The following CDH18 variants were observed in gnomAD, a reference collection of about 807,000 sequenced individuals.
CDH18 encodes cadherin 18, also known as cadherin-18.
CDH18 carries 31 observed loss-of-function variants against 67.9 expected under a neutral mutation model. That is an observed-to-expected ratio of 0.46 (90% CI 0.34 to 0.62). The LOEUF is 0.62. Among genes scored for constraint, CDH18 ranks in the 20% least tolerant of loss-of-function variants. The pLI, the probability that CDH18 is intolerant of heterozygous loss-of-function variation, is 0.01. For missense variants in CDH18, 890 were observed against 975.5 expected (o/e 0.91, Z 1.17); for synonymous variants, 362 against 347.2 (o/e 1.04, Z -0.48).
chr5:20,170,189 C>G (rs530761865), intron 2 of CDH18, among the ~76,000 whole-genome samples: 2 of 151,778 alleles, frequency 1.3e-5, no homozygotes, highest in Admixed American at 1.3e-4. Flanking sequence ...TACCCCACCC[C>G]CCGACAGGCC....
At chr5:20,163,384 AC>A (rs1277992691) in intron 2 of CDH18, among the ~76,000 whole-genome samples, 1 of 152,190 alleles carries the variant, frequency 6.6e-6, no homozygotes, top group East Asian at 1.9e-4. Flanking sequence ...ATAAATGCTT[AC>A]ATTTTCATGT....
chr5:19,899,308 G>A (rs568028846), intron 2 of CDH18, among the ~76,000 whole-genome samples: 1 of 151,652 alleles, frequency 6.6e-6, no homozygotes, highest in Non-Finnish European at 1.5e-5. Context: ...GCTGAGGCAG[G>A]AGAATGGCTT....
At chr5:19,663,126 T>G (rs2150318836) in intron 5 of CDH18, among the ~76,000 whole-genome samples, 1 of 152,108 alleles carries the variant, frequency 6.6e-6, no homozygotes, top group East Asian at 1.9e-4. Context: ...GCATTAAAGA[T>G]AATAAAATTA....
chr5:19,947,259 A>G (rs1293510528), intron 2 of CDH18, among the ~76,000 whole-genome samples: 1 of 152,050 alleles, frequency 6.6e-6, no homozygotes, highest in African/African-American at 2.4e-5. Flanking sequence ...AAAAAAAATT[A>G]AAAGCATACA....
chr5:19,719,183 T>A (rs2150567720), intron 5 of CDH18, among the ~76,000 whole-genome samples: 1 of 152,172 alleles, frequency 6.6e-6, no homozygotes, highest in South Asian at 2.1e-4. Flanking sequence ...TTAAACAATT[T>A]TATACAGGCT....
At chr5:20,198,429 G>A (rs1739163780) in intron 2 of CDH18, among the ~76,000 whole-genome samples, 1 of 152,158 alleles carries the variant, frequency 6.6e-6, no homozygotes, top group Non-Finnish European at 1.5e-5. Flanking sequence ...TTAGCAAAGA[G>A]GCTGGCAGCA....
intron 1 of CDH18, among the ~76,000 whole-genome samples, chr5:20,273,312 A>T (rs1231852590): frequency 6.6e-6 from 1 of 151,978 alleles, no homozygotes; most frequent in Non-Finnish European, 1.5e-5. Flanking sequence ...GTTTGTTATA[A>T]TTATATTATG....
intron 2 of CDH18, among the ~76,000 whole-genome samples, chr5:19,965,918 T>C (rs1383872451): frequency 6.6e-6 from 1 of 152,178 alleles, no homozygotes; most frequent in Non-Finnish European, 1.5e-5. Context: ...AGAGACAGTG[T>C]GCATGCAGTA....
intron 1 of CDH18, among the ~76,000 whole-genome samples, chr5:20,306,437 A>AT (rs1736462381): frequency 6.6e-6 from 1 of 151,874 alleles, no homozygotes; most frequent in Admixed American, 6.6e-5. Context: ...CCATAGAGTC[A>AT]TTTTTTTGCT....
intron 1 of CDH18, among the ~76,000 whole-genome samples, chr5:20,470,460 C>T (rs947864390): frequency 1.3e-5 from 2 of 152,058 alleles, no homozygotes; most frequent in Admixed American, 6.6e-5. Flanking sequence ...CATACTCTCC[C>T]GGATGTCTAT....
rs749391093 is a variant in CDH18, at chr5:19,571,629, G to A, written c.1203C>T (p.Val401=). The change falls in exon 8 of 13, where the codon GTC becomes GTT. Residue 401 remains valine, a synonymous_variant. Coordinates refer to ENST00000382275, the MANE Select transcript of CDH18 (RefSeq NM_004934.5). ...GATCTTGTGCCAAAACTGTACCAAC[G>A]ACGGTCCCAATCTTGGCATTTTCGT... ...EVYENAKIGT[V]VGTVLAQDPD... is the part of the protein sequence containing the mutation. 4.3e-6 allele frequency: 7 copies of A among 1,613,852 alleles called. No homozygotes were observed. Among genetic ancestry groups the A allele is most frequent in the Non-Finnish European group, 5.9e-6 (7 of 1,179,856 alleles).
chr5:19,908,692 A>G (rs1790794392), intron 2 of CDH18, among the ~76,000 whole-genome samples: 1 of 152,192 alleles, frequency 6.6e-6, no homozygotes, highest in Admixed American at 6.6e-5. Context: ...TATCTGTCAT[A>G]TGGCCTATTT....
chr5:20,420,144 G>A (rs1354499925), intron 1 of CDH18, among the ~76,000 whole-genome samples: 1 of 150,970 alleles, frequency 6.6e-6, no homozygotes, highest in Non-Finnish European at 1.5e-5. Flanking sequence ...CCAGAACAGT[G>A]GTAAGACGCG....
At chr5:19,489,416 GT>G (rs1295490048) in intron 11 of CDH18, among the ~76,000 whole-genome samples, 8 of 151,234 alleles carry the variant, frequency 5.3e-5, no homozygotes, top group Admixed American at 4.0e-4. Flanking sequence ...CCTGGCTAAT[GT>G]TTTGTATTTT....
At chr5:20,214,398 G>A (rs76964475) in intron 2 of CDH18, among the ~76,000 whole-genome samples, 293 of 152,086 alleles carry the variant, frequency 1.9e-3, no homozygotes, top group African/African-American at 6.6e-3. Context: ...CCTACGCAAA[G>A]ACAACAGAGC....
At chr5:19,534,306 A>C (rs1294194065) in intron 9 of CDH18, among the ~76,000 whole-genome samples, 1 of 152,088 alleles carries the variant, frequency 6.6e-6, no homozygotes, top group African/African-American at 2.4e-5. Context: ...TTAAAAAAAA[A>C]CTGAAAGCAG....
At chr5:19,593,254 G>C (rs561519291) in intron 6 of CDH18, among the ~76,000 whole-genome samples, 13 of 152,006 alleles carry the variant, frequency 8.6e-5, no homozygotes, top group Non-Finnish European at 1.6e-4. Context: ...ATATTCTGTA[G>C]ACGCTACACA....
chr5:20,394,851 A>G lies in CDH18; in HGVS notation c.-579-139346T>C, dbSNP rs1312337431. On this transcript the variant is annotated intron_variant, in intron 1 of 14. Transcript: ENST00000507958. ...GAAAAAATGCTCAACATTACTAATC[A>G]TGAGGAAAATGGAAATTAAAACCAC... 2.0e-5 allele frequency among the ~76,000 whole-genome samples: 3 copies of G among 152,182 alleles called. No individual in the cohort carries two copies. The East Asian group carries it at 5.8e-4, about 29-fold the overall frequency.
chr5:20,101,124 T>C (rs75834109), intron 2 of CDH18, among the ~76,000 whole-genome samples: 79 of 151,994 alleles, frequency 5.2e-4, no homozygotes, highest in African/African-American at 1.8e-3. Flanking sequence ...CTTTTTTTTT[T>C]CTTCAGTTTT....
Sources: allele counts gnomAD v4.1 joint callset (sites outside exome capture counted in the v4.1 genomes callset), GRCh38; gene constraint gnomAD v4.1.1; transcripts MANE v1.5; gene names NCBI Gene and HGNC (gene_info 2026-07-23, HGNC 2026-07-21).